SEC14L3: variants seen among roughly 807,000 people sequenced by gnomAD.
SEC14L3 encodes the protein SEC14-like protein 3.
SEC14L3 carries 56 observed loss-of-function variants against 57.4 expected under a neutral mutation model. That is an observed-to-expected ratio of 0.97 (90% CI 0.79 to 1.22). The LOEUF (loss-of-function observed/expected upper bound fraction) is 1.22, where lower values mean the gene tolerates loss of function less well. SEC14L3 is among the 50% of genes most tolerant of loss of function. The pLI, the probability that SEC14L3 is intolerant of heterozygous loss-of-function variation, is 0.00. For synonymous variants in SEC14L3, 173 were observed against 194.4 expected (o/e 0.89, Z 0.92); for missense variants, 485 against 511.7 (o/e 0.95, Z 0.50).
chr22:30,468,013 G>T (rs1291063725), intron 5 of SEC14L3, among the ~76,000 whole-genome samples: 1 of 152,158 alleles, frequency 6.6e-6, no homozygotes, highest in Non-Finnish European at 1.5e-5. Flanking sequence ...TGGTACGGTG[G>T]CTCACGCCTG....
intron 5 of SEC14L3, 37 bp downstream of exon 5, chr22:30,468,471 G>A: frequency 1.3e-6 from 2 of 1,539,802 alleles, no homozygotes; most frequent in Non-Finnish European, 1.8e-6. Flanking sequence ...AGCCTCACCT[G>A]CCCCCAGCCA....
chr22:30,470,315 A>G, intron 2 of SEC14L3, 60 bp from the exon 3 acceptor site: 1 of 1,599,350 alleles, frequency 6.3e-7, no homozygotes, highest in Non-Finnish European at 8.5e-7. Flanking sequence ...ACTCCTGGCC[A>G]GTGGGAGCTA....
chr22:30,456,662 C>T (rs537086597), downstream of SEC14L3, among the ~76,000 whole-genome samples: 16 of 152,212 alleles, frequency 1.1e-4, no homozygotes, highest in Non-Finnish European at 2.1e-4. Flanking sequence ...CCTCCAACAT[C>T]GGGGGCCACA....
At chr22:30,467,860 C>T (rs891200173) in intron 5 of SEC14L3, among the ~76,000 whole-genome samples, 1 of 152,208 alleles carries the variant, frequency 6.6e-6, no homozygotes, top group Non-Finnish European at 1.5e-5. Context: ...TTTCATTTCA[C>T]TTTTGCAACC....
intron 12 of SEC14L3, among the ~76,000 whole-genome samples, chr22:30,450,596 T>C (rs1934962726): frequency 6.6e-6 from 1 of 152,150 alleles, no homozygotes; most frequent in Non-Finnish European, 1.5e-5. Context: ...AGCTCCCGTG[T>C]CTGGCTGGAA....
chr22:30,454,639 T>G, downstream of SEC14L3, among the ~76,000 whole-genome samples: 1 of 109,054 alleles, frequency 9.2e-6, no homozygotes, highest in Admixed American at 1.4e-4. Context: ...TATTATTAGA[T>G]ATAATCTATA....
chr22:30,449,110 A>G, exon 13 of SEC14L3: 1 of 1,550,574 alleles, frequency 6.4e-7, no homozygotes, highest in Non-Finnish European at 8.7e-7. Context: ...GGGAGGGGTA[A>G]AGGCCTACTT....
rs570925003 is a variant in SEC14L3 at position 30,450,290 on chromosome 22, G to A, written c.905-1046C>T. Among the ~76,000 whole-genome samples, 34 of 152,122 alleles carry A rather than the reference G, an allele frequency of 2.2e-4. No homozygotes were observed. In the South Asian group the frequency reaches 6.9e-3, roughly 31 times the overall value. On this transcript the variant is annotated intron_variant, in intron 12 of 12. Coordinates refer to the SEC14L3 transcript ENST00000403066. ...GGTCTGGAGCTGGACGCGATCCTTTGAGCCTGGCTGGAAATCTTATTTTTA... is the reference window on the plus strand; with the variant it reads ...GGTCTGGAGCTGGACGCGATCCTTTAAGCCTGGCTGGAAATCTTATTTTTA...
At chr22:30,470,169 T>A in intron 3 of SEC14L3, 43 bp downstream of exon 3, 1 of 1,613,516 alleles carries the variant, frequency 6.2e-7, no homozygotes, top group Non-Finnish European at 8.5e-7. Flanking sequence ...GGATTGCCCC[T>A]GACAAATCCC....
chr22:30,465,038 A>G (rs1935376419), intron 7 of SEC14L3, 135 bp from the exon 8 acceptor site: 2 of 1,354,200 alleles, frequency 1.5e-6, no homozygotes, highest in Non-Finnish European at 2.0e-6. Flanking sequence ...TGCACCCAAC[A>G]AACCATCCAA....
At chr22:30,455,106 A>AATATTAAATATATATT (rs1569225632), downstream of SEC14L3, among the ~76,000 whole-genome samples, 128 of 26,732 alleles carry the variant, frequency 4.8e-3, no homozygotes, top group South Asian at 0.046. Context: ...TAATATATTT[A>AATATTAAATATATATT]ATATTTAATA....
chr22:30,450,354 G>A (rs1934957778), intron 12 of SEC14L3, among the ~76,000 whole-genome samples: 2 of 152,058 alleles, frequency 1.3e-5, no homozygotes, highest in Non-Finnish European at 2.9e-5. Flanking sequence ...CCCCCAGGCT[G>A]GAGTATAGTG....
At chr22:30,466,238 G>T in intron 7 of SEC14L3, 96 bp downstream of exon 7, 1 of 1,189,916 alleles carries the variant, frequency 8.4e-7, no homozygotes, top group Non-Finnish European at 1.2e-6. Context: ...AAACCAACCT[G>T]CCTCACAACA....
At position 30,461,343 on chromosome 22, in the gene SEC14L3, C is replaced by A. The variant is rs149921484; in HGVS notation, c.1048G>T (p.Asp350Tyr). The A allele has an allele frequency of 6.2e-7, 1 of 1,609,918 alleles. No homozygotes were observed. The change falls in exon 11 of 12, where the codon GAT becomes TAT. Residue 350 changes from aspartate to tyrosine, a missense_variant. By Grantham distance (160) the Asp-to-Tyr change is radical. Coordinates refer to ENST00000215812, the MANE Select transcript of SEC14L3 (RefSeq NM_174975.5). ...GCCTCTGAGCAGGTGAGGTTCCCAT[C>A]CTCGGGCACCATGTGGGCGTTATAG... ...QRYNAHMVPE[D>Y]GNLTCSEAGV... is the part of the protein sequence containing the mutation.
intron 5 of SEC14L3, 59 bp downstream of exon 5, chr22:30,468,449 A>AT: frequency 7.4e-7 from 1 of 1,347,426 alleles, no homozygotes; most frequent in East Asian, 2.3e-5. Context: ...TTCTGAGACC[A>AT]ATCCCCCCGG....
chr22:30,449,261 G>A (rs1034036245), intron 12 of SEC14L3: 1 of 1,548,242 alleles, frequency 6.5e-7, no homozygotes, highest in Non-Finnish European at 8.7e-7. Flanking sequence ...AATTGAGGTG[G>A]TTATGAGAAA....
At chr22:30,471,247 A>G (rs1601829144) in intron 1 of SEC14L3, 1 of 451,596 alleles carries the variant, frequency 2.2e-6, no homozygotes, top group East Asian at 7.0e-5. Context: ...ATCGCTCCAC[A>G]GCACTCCAGC....
At chr22:30,463,780 C>T (rs978797771) in intron 8 of SEC14L3, among the ~76,000 whole-genome samples, 1 of 152,192 alleles carries the variant, frequency 6.6e-6, no homozygotes, top group African/African-American at 2.4e-5. Context: ...TTCTCTCAGC[C>T]TGTCACTTGT....
chr22:30,459,466 A>G lies in SEC14L3; in HGVS notation c.*555T>C, dbSNP rs1935182785. On this transcript the variant is annotated 3_prime_UTR_variant, in exon 12 of 12. Transcript: ENST00000215812. ...TGGAGACTGAATTGTCTGGGTCTCC[A>G]GAAGAGAGTCCAACCCCACCACACA... 1.0e-6 allele frequency: 1 copy of G among 985,502 alleles called. No individual in the cohort carries two copies. Among genetic ancestry groups the G allele is most frequent in the Non-Finnish European group, 1.2e-6 (1 of 829,970 alleles). The allele number at this position is 985,502 out of a possible 1,614,324, so 61.0% of individuals were successfully genotyped here.
Sources: allele counts gnomAD v4.1 joint callset (sites outside exome capture counted in the v4.1 genomes callset), GRCh38; gene constraint gnomAD v4.1.1; transcripts MANE v1.5; gene names NCBI Gene and HGNC (gene_info 2026-07-23, HGNC 2026-07-21).